The following CSMD1 variants were observed in gnomAD, a reference collection of about 807,000 sequenced individuals.
The protein encoded by CSMD1 is CUB and sushi domain-containing protein 1.
CSMD1 carries 213 observed loss-of-function variants against 417.5 expected under a neutral mutation model. The ratio of observed to expected loss-of-function variants is 0.51; its 90% CI spans 0.46 to 0.57. The LOEUF is 0.57. Among genes scored for constraint, CSMD1 ranks in the 20% least tolerant of loss-of-function variants. The pLI is 0.00. For missense variants in CSMD1, 6,923 were observed against 4,529.7 expected (o/e 1.53, Z -15.17); for synonymous variants, 2,862 against 1,736.8 (o/e 1.65, Z -16.11).
In CSMD1 at chr8:3,864,746, A is replaced by C. The variant is rs76829200; in HGVS notation, c.819-110704T>G. Among the ~76,000 whole-genome samples the C allele has an allele frequency of 1.7e-3, 266 of 152,248 alleles. 2 individuals are homozygous for C. Among genetic ancestry groups the C allele is most frequent in the African/African-American group, 6.1e-3 (254 of 41,542 alleles). On this transcript the variant is annotated intron_variant, in intron 5 of 69. Transcript: ENST00000635120. ...TCCACACTCCCCTCCTCTCCTAGTAAATTAAACTATAGGCACCATCGTGGT... is the reference window on the plus strand; with the variant it reads ...TCCACACTCCCCTCCTCTCCTAGTACATTAAACTATAGGCACCATCGTGGT...
At chr8:4,252,203 C>G (rs887091194) in intron 3 of CSMD1, among the ~76,000 whole-genome samples, 2 of 152,114 alleles carry the variant, frequency 1.3e-5, no homozygotes, top group East Asian at 1.9e-4. Flanking sequence ...AAGCTTAAAA[C>G]AAGACAAAGG....
chr8:4,340,178 C>G (rs552835943), intron 3 of CSMD1, among the ~76,000 whole-genome samples: 1 of 151,272 alleles, frequency 6.6e-6, no homozygotes, highest in East Asian at 1.9e-4. Context: ...CCTTTTTTTT[C>G]TGATCCAAAA....
At position 3,052,641 on chromosome 8, in the gene CSMD1, G is replaced by C. The variant is rs752302747; in HGVS notation, c.7481C>G (p.Ser2494Cys). 1.9e-6 allele frequency: 3 copies of C among 1,599,066 alleles called. No individual in the cohort carries two copies. The highest frequency in any genetic ancestry group is 2.6e-6 in the Non-Finnish European group (3 of 1,173,742). ...DSLTPLCQAVSCGIPESPGNG... is the reference protein window; with the variant it reads ...DSLTPLCQAVCCGIPESPGNG... ...TCCTGGGGATTCTGGGATTCCACAG[G>C]ACACAGCTGAAAAGAAATGAAACAA... Residue 2494 changes from serine (S) to cysteine (C), a missense_variant, in exon 50 of 70, where the codon TCC becomes TGC. Ser to Cys is a moderately radical substitution (Grantham distance 112). Transcript: ENST00000635120.
intron 5 of CSMD1, among the ~76,000 whole-genome samples, chr8:3,895,182 G>T (rs1206431379): frequency 6.6e-6 from 1 of 152,176 alleles, no homozygotes; most frequent in East Asian, 1.9e-4. Context: ...CACCAACAAA[G>T]TTTCCTGTTA....
intron 1 of CSMD1, among the ~76,000 whole-genome samples, chr8:4,667,618 C>G (rs1390631485): frequency 1.3e-5 from 2 of 151,954 alleles, no homozygotes; most frequent in Admixed American, 1.3e-4. Context: ...TATTGGAACG[C>G]TATTGCATAT....
chr8:4,161,369 T>G (rs1260429907), intron 3 of CSMD1, among the ~76,000 whole-genome samples: 1 of 152,226 alleles, frequency 6.6e-6, no homozygotes, highest in Non-Finnish European at 1.5e-5. Flanking sequence ...AATGCAGGCT[T>G]TCAGCCACAG....
chr8:3,383,056 C>A (rs1810739123), intron 18 of CSMD1, among the ~76,000 whole-genome samples: 1 of 152,076 alleles, frequency 6.6e-6, no homozygotes. Context: ...TGTAGATAGC[C>A]AGATTGGAGA....
chr8:3,138,054 T>C (rs747950495), intron 41 of CSMD1, among the ~76,000 whole-genome samples: 1 of 152,036 alleles, frequency 6.6e-6, no homozygotes, highest in Non-Finnish European at 1.5e-5. Context: ...GGTGAAACCC[T>C]GTCTCTACTA....
chr8:3,360,419 T>C (rs986275497), intron 20 of CSMD1, among the ~76,000 whole-genome samples: 13 of 152,234 alleles, frequency 8.5e-5, no homozygotes, highest in African/African-American at 2.9e-4. Context: ...TGGTCCATTA[T>C]CAAGTCCATG....
intron 10 of CSMD1, among the ~76,000 whole-genome samples, chr8:3,504,882 G>C (rs560364571): frequency 1.3e-5 from 2 of 152,088 alleles, no homozygotes; most frequent in Admixed American, 1.3e-4. Flanking sequence ...AATGTGGCAA[G>C]GAAAATTTCT....
intron 1 of CSMD1, among the ~76,000 whole-genome samples, chr8:4,768,704 G>C (rs753682703): frequency 6.6e-6 from 1 of 152,174 alleles, no homozygotes; most frequent in South Asian, 2.1e-4. Context: ...ACTTACCCGA[G>C]GCACTGGAGC....
intron 3 of CSMD1, among the ~76,000 whole-genome samples, chr8:4,156,221 T>G (rs532107929): frequency 2.6e-5 from 4 of 152,184 alleles, no homozygotes; most frequent in Non-Finnish European, 1.5e-5. Flanking sequence ...GTGATATCCT[T>G]GGGGTGGTAG....
chr8:4,401,505 C>T (rs1235789286), intron 3 of CSMD1, among the ~76,000 whole-genome samples: 3 of 152,132 alleles, frequency 2.0e-5, no homozygotes, highest in Non-Finnish European at 2.9e-5. Context: ...GAGAGGAGAA[C>T]CTCCCAGGTC....
At chr8:3,291,959 C>T (rs1489664001) in intron 25 of CSMD1, among the ~76,000 whole-genome samples, 2 of 151,706 alleles carry the variant, frequency 1.3e-5, no homozygotes, top group East Asian at 3.9e-4. Context: ...CTCTTGTGGG[C>T]ATTTAGTGCT....
In CSMD1 at chr8:3,020,312, T is replaced by C. The variant is rs181369258; in HGVS notation, c.7856-1662A>G. ...ATTGAACCAAAAGTAGAAAAACCTT[T>C]AGAGATAATTCAAGTGAGGAAAATA... On this transcript the variant is annotated intron_variant, in intron 51 of 69. Coordinates refer to ENST00000635120, the MANE Select transcript of CSMD1 (RefSeq NM_033225.6). 2.6e-5 allele frequency among the ~76,000 whole-genome samples: 4 copies of C among 152,290 alleles called. No homozygotes were observed. The East Asian group carries it at 7.7e-4, about 29-fold the overall frequency.
chr8:3,797,822 T>C (rs180761853), intron 5 of CSMD1, among the ~76,000 whole-genome samples: 1 of 152,006 alleles, frequency 6.6e-6, no homozygotes, highest in Admixed American at 6.6e-5. Context: ...TGACTTCATA[T>C]AAAAGCACTA....
At chr8:4,013,761 G>A (rs768994622) in intron 4 of CSMD1, among the ~76,000 whole-genome samples, 1 of 152,170 alleles carries the variant, frequency 6.6e-6, no homozygotes, top group African/African-American at 2.4e-5. Context: ...ATTCAGTCCA[G>A]TATCTGGTTT....
chr8:4,950,794 G>A (rs1199117545), intron 1 of CSMD1, among the ~76,000 whole-genome samples: 3 of 152,030 alleles, frequency 2.0e-5, no homozygotes, highest in African/African-American at 4.8e-5. Flanking sequence ...ATGACCGTAA[G>A]CATCACCACT....
chr8:4,067,547 G>T (rs1031660507), intron 3 of CSMD1, among the ~76,000 whole-genome samples: 3 of 151,864 alleles, frequency 2.0e-5, no homozygotes, highest in African/African-American at 4.8e-5. Flanking sequence ...AGCTTTACAT[G>T]TACCTAAAGC....
Sources: gnomAD v4.1 joint callset for allele counts (sites outside exome capture counted in the v4.1 genomes callset) on GRCh38, gnomAD v4.1.1 for gene constraint, MANE v1.5 for transcripts, NCBI Gene and HGNC (gene_info 2026-07-23, HGNC 2026-07-21) for gene names.